The following PCDHGC3 variants were observed in gnomAD, a reference collection of about 807,000 sequenced individuals.
The protein encoded by PCDHGC3 is protocadherin gamma subfamily C, 3, also known as protocadherin gamma-C3.
In PCDHGC3, 26 loss-of-function variants were observed where a neutral mutation model predicts 59.2. The observed-to-expected ratio is 0.44, with a 90% confidence interval of 0.32 to 0.61. The LOEUF (loss-of-function observed/expected upper bound fraction) is 0.61. PCDHGC3 is among the 20% of genes least tolerant of loss of function. PCDHGC3 has a pLI of 0.05. For synonymous variants in PCDHGC3, 487 were observed against 519.7 expected (o/e 0.94, Z 0.86); for missense variants, 1,080 against 1,221.8 (o/e 0.88, Z 1.73).
Position 141,506,445 on chromosome 5 carries a change from A to T in PCDHGC3, c.2578+964A>T, listed in dbSNP as rs1018306383. 3.8e-3 allele frequency among the ~76,000 whole-genome samples: 112 copies of T among 29,226 alleles called. No individual in the cohort carries two copies. The Middle Eastern group carries it at 0.08, about 21-fold the overall frequency. The allele number at this position is 29,226 out of a possible 152,430, so 19.2% of individuals were successfully genotyped here. ...CTGGGCAACAGTCTCGCTCTGTCTC[A>T]AAAAAAAAAAAAAAAAAAAAGAGCA... On this transcript the variant is annotated intron_variant, in intron 3 of 3. Transcript: ENST00000308177.
intron 3 of PCDHGC3, among the ~76,000 whole-genome samples, chr5:141,509,353 C>A (rs2099876446): frequency 6.6e-6 from 1 of 152,170 alleles, no homozygotes; most frequent in Non-Finnish European, 1.5e-5. Context: ...CTGGCCTGGG[C>A]ATCCCTGAGG....
rs369323252 is a variant in PCDHGC3 at position 141,487,658 on chromosome 5, G to T, written c.2431-7149G>T. ...TCAACAAATGCTTGAGGGTTATTCT[G>T]ATCCAGGCATATGGCTAGGCCATGT... On this transcript the variant is annotated intron_variant, in intron 1 of 3. Coordinates refer to ENST00000308177, the MANE Select transcript of PCDHGC3 (RefSeq NM_002588.4). This position sits in a 1 kb window ranked among gnomAD's most constrained non-coding sequence, Gnocchi z 5.0. The T allele has an allele frequency of 8.7e-5, 140 of 1,613,508 alleles. No individual in the cohort carries two copies. The highest frequency in any genetic ancestry group is 1.1e-4 in the Non-Finnish European group (134 of 1,179,802).
intron 3 of PCDHGC3, among the ~76,000 whole-genome samples, chr5:141,505,720 G>A (rs1251781594): frequency 2.2e-4 from 34 of 152,212 alleles, no homozygotes; most frequent in Non-Finnish European, 2.9e-5. Context: ...GACTCATGGA[G>A]GGAATAGTGG....
intron 3 of PCDHGC3, among the ~76,000 whole-genome samples, chr5:141,506,904 C>T (rs55892286): frequency 0.2 from 30,589 of 152,050 alleles, 3,131 homozygotes; most frequent in Middle Eastern, 0.24. Flanking sequence ...ACTGTCATCA[C>T]ACCTGGGCAC....
rs1193417991 is a variant in PCDHGC3 at position 141,491,413 on chromosome 5, G to T, written c.2431-3394G>T. The T allele has an allele frequency of 6.2e-7, 1 of 1,614,064 alleles. No individual in the cohort carries two copies. Among genetic ancestry groups the T allele is most frequent in the South Asian group, 1.1e-5 (1 of 91,074 alleles). ...CCTTCAGGGAAACGCAGACGGGGAC[G>T]GGGGTGGAGGGCAGTGCTGCAGGCG... On this transcript the variant is annotated intron_variant, in intron 1 of 3. Transcript: ENST00000308177. This position sits in a 1 kb window ranked among gnomAD's most constrained non-coding sequence, Gnocchi z 6.9.
At chr5:141,478,794 G>A in intron 1 of PCDHGC3, 1 of 1,468,126 alleles carries the variant, frequency 6.8e-7, no homozygotes, top group Non-Finnish European at 9.0e-7. Flanking sequence ...CACATCCTCA[G>A]CACTCTTTTG....
Position 141,512,089 on chromosome 5 carries a change from T to C in PCDHGC3, c.*916T>C, listed in dbSNP as rs1292597067. 6.6e-6 allele frequency: 1 copy of C among 152,606 alleles called. No individual in the cohort carries two copies. Among genetic ancestry groups the C allele is most frequent in the Non-Finnish European group, 1.5e-5 (1 of 68,068 alleles). 9.5% of individuals were successfully genotyped at this position (152,606 alleles called of 1,614,324 possible). A position where few individuals can be genotyped will look rare whatever the true frequency, so the allele number is the denominator to read the frequency against. ...CCTCCAGATTCCAGCCATAAACCAA[T>C]AACTAGGCTGGACCCTTCCCACTAC... On this transcript the variant is annotated 3_prime_UTR_variant, in exon 4 of 4. Coordinates refer to ENST00000308177, the MANE Select transcript of PCDHGC3 (RefSeq NM_002588.4).
intron 2 of PCDHGC3, among the ~76,000 whole-genome samples, chr5:141,501,890 A>G (rs1046816316): frequency 6.6e-6 from 1 of 151,980 alleles, no homozygotes; most frequent in Non-Finnish European, 1.5e-5. Flanking sequence ...CCTGATCATC[A>G]TGGTTCCAAC....
At position 141,477,493 on chromosome 5, in the gene PCDHGC3, A is replaced by G. The variant is rs2154575835; in HGVS notation, c.1377A>G (p.Gln459=). ...DINDNPPQSS[Q]SSYDVYIEEN... ...ATGACAACCCTCCACAATCTTCTCA[A>G]TCTTCCTACGACGTTTACATTGAAG... Residue 459 remains glutamine (Q), a synonymous_variant, in exon 1 of 4, where the codon CAA becomes CAG. Transcript: ENST00000308177. This position sits in a 1 kb window ranked among gnomAD's most constrained non-coding sequence, Gnocchi z 4.9. 6.2e-7 allele frequency: 1 copy of G among 1,613,976 alleles called. No individual in the cohort carries two copies. The highest frequency in any genetic ancestry group is 1.6e-4 in the Middle Eastern group (1 of 6,062).
chr5:141,497,957 A>G (rs2099780682), intron 2 of PCDHGC3, among the ~76,000 whole-genome samples: 1 of 152,242 alleles, frequency 6.6e-6, no homozygotes, highest in Non-Finnish European at 1.5e-5. Flanking sequence ...TCTGTTGGCC[A>G]GGCAGTGTTC....
chr5:141,491,544 C>G lies in PCDHGC3; in HGVS notation c.2431-3263C>G, dbSNP rs546391464. The G allele has an allele frequency of 1.1e-5, 17 of 1,614,018 alleles. No individual in the cohort carries two copies. In the Admixed American group the frequency reaches 1.8e-4, roughly 17 times the overall value. Reference sequence around the variant, plus strand: ...TGGAGGTGACGCTGCGGCCCACAGACTCGCAGAGCCACTGCTACAGGACGT... The same window carrying G: ...TGGAGGTGACGCTGCGGCCCACAGAGTCGCAGAGCCACTGCTACAGGACGT... On this transcript the variant is annotated intron_variant, in intron 1 of 3. Transcript: ENST00000308177. The surrounding 1 kb of genome is among the most constrained non-coding windows in gnomAD (Gnocchi z 6.9).
rs1340147578 is a variant in PCDHGC3, at chr5:141,487,141, T to C, written c.2431-7666T>C. On this transcript the variant is annotated intron_variant, in intron 1 of 3. Transcript: ENST00000308177. This position sits in a 1 kb window ranked among gnomAD's most constrained non-coding sequence, Gnocchi z 5.0. ...AGGATAGTGGTAGTCCACCACTCTCTACCTCTGTTACTCTCTTAGTGTCCT... is the reference window on the plus strand; with the variant it reads ...AGGATAGTGGTAGTCCACCACTCTCCACCTCTGTTACTCTCTTAGTGTCCT... The C allele has an allele frequency of 1.2e-6, 2 of 1,613,882 alleles. No individual in the cohort carries two copies. Among genetic ancestry groups the C allele is most frequent in the African/African-American group, 2.7e-5 (2 of 74,934 alleles).
At position 141,490,176 on chromosome 5, in the gene PCDHGC3, G is replaced by T. The variant is rs758876319; in HGVS notation, c.2431-4631G>T. On this transcript the variant is annotated intron_variant, in intron 1 of 3. Transcript: ENST00000308177. This position sits in a 1 kb window ranked among gnomAD's most constrained non-coding sequence, Gnocchi z 5.4. ...TGTTGGGTCCCATAGACTTTGAGGAGTCACGTTTCTATGAAATTCATGCAA... is the reference window on the plus strand; with the variant it reads ...TGTTGGGTCCCATAGACTTTGAGGATTCACGTTTCTATGAAATTCATGCAA... 12 of 1,614,100 alleles carry T rather than the reference G, an allele frequency of 7.4e-6. No homozygotes were observed. Among genetic ancestry groups the T allele is most frequent in the Non-Finnish European group, 1.0e-5 (12 of 1,180,046 alleles).
In PCDHGC3 at chr5:141,487,258, G is replaced by T. The variant is rs368598017; in HGVS notation, c.2431-7549G>T. On this transcript the variant is annotated intron_variant, in intron 1 of 3. Transcript: ENST00000308177. The surrounding 1 kb of genome is among the most constrained non-coding windows in gnomAD (Gnocchi z 5.0). ...CTCGTCTAACCCTCTACTTGGCTGT[G>T]TCCCTAGTGGCAATTTGCTTTGTCT... 1.5e-4 allele frequency: 240 copies of T among 1,614,026 alleles called. 1 individual carries two copies. The highest frequency in any genetic ancestry group is 3.3e-5 in the Admixed American group (2 of 60,004).
chr5:141,501,328 CACACA>C (rs1562200832), intron 2 of PCDHGC3, among the ~76,000 whole-genome samples: 17 of 151,710 alleles, frequency 1.1e-4, no homozygotes, highest in African/African-American at 1.9e-4. Context: ...CACACACACA[CACACA>C]CCCCAAACTC....
rs189734474 is a variant in PCDHGC3, at chr5:141,512,858, G to T, written c.*1685G>T. 1 of 152,296 alleles carries T rather than the reference G, an allele frequency of 6.6e-6. No individual in the cohort carries two copies. The highest frequency in any genetic ancestry group is 1.9e-4 in the East Asian group (1 of 5,182). 9.4% of individuals were successfully genotyped at this position (152,296 alleles called of 1,614,324 possible). ...ACTTCTCCTATAAGCGCTTCTCTTC[G>T]CATAGTCACGTAGCTCCCACCCCAC... On this transcript the variant is annotated 3_prime_UTR_variant, in exon 4 of 4. Coordinates refer to ENST00000308177, the MANE Select transcript of PCDHGC3 (RefSeq NM_002588.4).
rs779292483 is a variant in PCDHGC3 at position 141,491,102 on chromosome 5, T to C, written c.2431-3705T>C. The C allele has an allele frequency of 6.2e-7, 1 of 1,614,152 alleles. No individual in the cohort carries two copies. Among genetic ancestry groups the C allele is most frequent in the Non-Finnish European group, 8.5e-7 (1 of 1,180,006 alleles). ...TCCACAGCCCCAGGACTGTTCCTCG[T>C]GTCTACACACACTGGTGAGGTGCGC... On this transcript the variant is annotated intron_variant, in intron 1 of 3. Transcript: ENST00000308177. This position sits in a 1 kb window ranked among gnomAD's most constrained non-coding sequence, Gnocchi z 6.9.
chr5:141,483,589 G>A (rs189449393), intron 1 of PCDHGC3, among the ~76,000 whole-genome samples: 17 of 152,214 alleles, frequency 1.1e-4, no homozygotes, highest in Admixed American at 1.1e-3. Context: ...ACACCTAATA[G>A]GTCAGGCTGG....
chr5:141,505,590 A>G, intron 3 of PCDHGC3, 109 bp downstream of exon 3: 1 of 1,571,996 alleles, frequency 6.4e-7, no homozygotes, highest in East Asian at 2.3e-5. Context: ...TAGTTTCTCC[A>G]GATCTTTCGG....
Sources: gnomAD v4.1 joint callset for allele counts (sites outside exome capture counted in the v4.1 genomes callset) on GRCh38, gnomAD v4.1.1 for gene constraint, Gnocchi (gnomAD v3.1) non-coding constraint, MANE v1.5 for transcripts, NCBI Gene and HGNC (gene_info 2026-07-23, HGNC 2026-07-21) for gene names.